Variants in KCTD1 observed in about 807,000 individuals in gnomAD.
KCTD1 encodes the protein potassium channel tetramerization domain containing 1, also known as BTB/POZ domain-containing protein KCTD1.
A neutral mutation model predicts 66.0 loss-of-function variants in KCTD1; 24 were observed. That is an observed-to-expected ratio of 0.36 (90% CI 0.26 to 0.51). KCTD1 has a LOEUF of 0.51. Ranked by LOEUF, KCTD1 falls within the 20% of genes least tolerant of loss-of-function variation. KCTD1 has a pLI of 0.95. For missense variants in KCTD1, 943 were observed against 1,205.2 expected, an observed-to-expected ratio of 0.78 and a Z score of 3.22; for synonymous variants, 511 against 517.2, an observed-to-expected ratio of 0.99 and a Z score of 0.16.
intron 1 of KCTD1, among the ~76,000 whole-genome samples, chr18:26,524,187 T>A (rs529730159): frequency 1.3e-5 from 2 of 152,340 alleles, no homozygotes; most frequent in East Asian, 3.9e-4. Flanking sequence ...TTGCCTGCTT[T>A]CCAGCAGGGG....
At chr18:26,570,194 ATATAT>A (rs1986074546) in intron 1 of KCTD1, among the ~76,000 whole-genome samples, 1 of 105,076 alleles carries the variant, frequency 9.5e-6, no homozygotes, top group African/African-American at 3.2e-5. Flanking sequence ...TAAAAAAAAT[ATATAT>A]ATATATATAT....
chr18:26,581,430 A>C (rs1310201832), intron 1 of KCTD1: 1 of 152,142 alleles, frequency 6.6e-6, no homozygotes. Flanking sequence ...GCTAATTTTT[A>C]AATCTTTTAG....
In KCTD1 at chr18:26,455,785, A is replaced by C. The variant is rs773090315; in HGVS notation, c.2556T>G (p.Arg852=). 1.2e-6 allele frequency: 2 copies of C among 1,614,154 alleles called. No homozygotes were observed. The highest frequency in any genetic ancestry group is 3.3e-5 in the Admixed American group (2 of 60,020). Residue 852 remains arginine, a synonymous_variant, in exon 5 of 5, where the codon CGT becomes CGG. Transcript: ENST00000580059. The part of the protein sequence containing the change: ...VLRRELRRTP[R]VPSVIRIKQE... ...GCTTTATCCGGATGACGGAGGGTAC[A>C]CGGGGCGTCCGCCTCAGTTCCCGCC...
intron 1 of KCTD1, among the ~76,000 whole-genome samples, chr18:26,558,699 G>A (rs1567993780): frequency 6.6e-6 from 1 of 152,124 alleles, no homozygotes; most frequent in Non-Finnish European, 1.5e-5. Flanking sequence ...TGAGGCTGGC[G>A]GATCACGAGG....
At chr18:26,633,013 C>T (rs185640524), upstream of KCTD1, among the ~76,000 whole-genome samples, 368 of 151,962 alleles carry the variant, frequency 2.4e-3, 3 homozygotes, top group African/African-American at 8.3e-3. Flanking sequence ...AGAATAAATG[C>T]TCAGGAATAG....
Position 26,521,531 on chromosome 18 carries a change from T to C in KCTD1, c.1810-20281A>G, listed in dbSNP as rs185798403. 1.0e-3 allele frequency among the ~76,000 whole-genome samples: 159 copies of C among 152,326 alleles called. 3 individuals are homozygous for C. The highest frequency in any genetic ancestry group is 3.6e-3 in the African/African-American group (151 of 41,572). ...GGATTTAATGAGGGTATGAGGTGTC[T>C]CCTACAGGGCTACGGGCACAGTAAG... On this transcript the variant is annotated intron_variant, in intron 1 of 4. Coordinates refer to ENST00000580059, the MANE Select transcript of KCTD1 (RefSeq NM_001142730.3).
At chr18:26,478,530 T>C (rs1981464135) in intron 2 of KCTD1, among the ~76,000 whole-genome samples, 1 of 152,234 alleles carries the variant, frequency 6.6e-6, no homozygotes, top group Non-Finnish European at 1.5e-5. Flanking sequence ...GTCACTTTAG[T>C]AAGAGAGGAA....
At chr18:26,469,924 A>C (rs559234273) in intron 3 of KCTD1, among the ~76,000 whole-genome samples, 57 of 151,720 alleles carry the variant, frequency 3.8e-4, no homozygotes, top group African/African-American at 1.3e-3. Flanking sequence ...CCATCTCAAA[A>C]AAACAAACAA....
chr18:26,554,091 AAAG>A (rs1313669025), intron 1 of KCTD1, among the ~76,000 whole-genome samples: 3 of 150,774 alleles, frequency 2.0e-5, no homozygotes, highest in African/African-American at 4.8e-5. Flanking sequence ...ATTCAGAAAG[AAAG>A]AAAAAGAAGG....
Position 26,548,117 on chromosome 18 carries a change from C to A in KCTD1, c.420G>T (p.Leu140=). The A allele has an allele frequency of 7.6e-7, 1 of 1,309,170 alleles. No homozygotes were observed. The highest frequency in any genetic ancestry group is 2.6e-5 in the South Asian group (1 of 38,796). 81.1% of individuals were successfully genotyped at this position (1,309,170 alleles called of 1,614,324 possible). The stretch of plus-strand genomic sequence containing the variant: ...GCGGCCCACCGCGGGCCCGGGGCGC[C>A]AGCAGTCGCGGCGGCGCCTCGGGCT... ...ALEPEAPPRL[L]APRARGGPPG... is the part of the protein sequence containing the mutation. The change falls in exon 1 of 5, where the codon CTG becomes CTT. Residue 140 remains leucine, a synonymous_variant. Transcript: ENST00000580059.
intron 1 of KCTD1, among the ~76,000 whole-genome samples, chr18:26,639,380 G>A (rs183153556): frequency 1.3e-5 from 2 of 152,224 alleles, no homozygotes; most frequent in Admixed American, 1.3e-4. Context: ...CGGGCCCAGG[G>A]CTTTGGTTCC....
At chr18:26,535,827 G>A (rs1223446287) in intron 1 of KCTD1, among the ~76,000 whole-genome samples, 1 of 152,026 alleles carries the variant, frequency 6.6e-6, no homozygotes, top group Admixed American at 6.5e-5. Context: ...GTGAGGGTCA[G>A]TTTTCCTCAT....
chr18:26,560,398 C>G (rs1256456827), intron 1 of KCTD1, among the ~76,000 whole-genome samples: 1 of 152,142 alleles, frequency 6.6e-6, no homozygotes, highest in Non-Finnish European at 1.5e-5. Flanking sequence ...TCAGGCCTCT[C>G]CTAGACTGCA....
At chr18:26,622,235 A>T (rs150419654) in intron 1 of KCTD1, among the ~76,000 whole-genome samples, 66 of 152,378 alleles carry the variant, frequency 4.3e-4, no homozygotes, top group African/African-American at 1.4e-3. Context: ...GTAAGAACTC[A>T]CGAGAGGAGC....
intron 1 of KCTD1, among the ~76,000 whole-genome samples, chr18:26,526,729 C>CATTTT (rs2144762516): frequency 6.6e-6 from 1 of 152,170 alleles, no homozygotes; most frequent in South Asian, 2.1e-4. Context: ...AAATGCTGAG[C>CATTTT]CAATCCCACT....
chr18:26,496,450 T>C (rs1161330167), intron 2 of KCTD1, among the ~76,000 whole-genome samples: 1 of 152,196 alleles, frequency 6.6e-6, no homozygotes, highest in Non-Finnish European at 1.5e-5. Context: ...GAGACTCTTA[T>C]GAGCCTCTGA....
intron 2 of KCTD1, among the ~76,000 whole-genome samples, chr18:26,497,520 G>A (rs894412060): frequency 5.9e-5 from 9 of 152,334 alleles, no homozygotes; most frequent in East Asian, 5.8e-4. Context: ...AGCACCCGAC[G>A]CTATGGGAAA....
intron 1 of KCTD1, among the ~76,000 whole-genome samples, chr18:26,637,032 C>T (rs1414250404): frequency 6.6e-6 from 1 of 152,244 alleles, no homozygotes; most frequent in Non-Finnish European, 1.5e-5. Context: ...GCTGCGGTCC[C>T]TGCCATGACT....
chr18:26,642,276 C>T (rs752588390), upstream of KCTD1, among the ~76,000 whole-genome samples: 3 of 152,156 alleles, frequency 2.0e-5, no homozygotes, highest in South Asian at 2.1e-4. Flanking sequence ...CTCCTTAGAG[C>T]GAGTGACCAC....
Sources: gnomAD v4.1 joint callset for allele counts (sites outside exome capture counted in the v4.1 genomes callset) on GRCh38, gnomAD v4.1.1 for gene constraint, MANE v1.5 for transcripts, NCBI Gene and HGNC (gene_info 2026-07-23, HGNC 2026-07-21) for gene names.